Variants in CDHR3 observed in about 807,000 individuals in gnomAD.
The protein encoded by CDHR3 is cadherin-related family member 3.
In CDHR3, 79 loss-of-function variants were observed where a neutral mutation model predicts 86.6. The ratio of observed to expected loss-of-function variants is 0.91; its 90% CI spans 0.76 to 1.10. The LOEUF is 1.10. Ranked by LOEUF, CDHR3 falls within the 50% of genes least tolerant of loss-of-function variation. The pLI, the probability that CDHR3 is intolerant of heterozygous loss-of-function variation, is 0.00. For missense variants in CDHR3, 1,081 were observed against 1,077.6 expected (o/e 1.00, Z -0.04); for synonymous variants, 421 against 402.4 (o/e 1.05, Z -0.55).
Position 106,017,890 on chromosome 7 carries a change from C to T in CDHR3, c.1471C>T (p.Pro491Ser), listed in dbSNP as rs1487053892. ...GQVRATDKDLPQSSLLYSIST... is the reference protein window; with the variant it reads ...GQVRATDKDLSQSSLLYSIST... Reference sequence around the variant, plus strand: ...GGTGCGAGCCACTGATAAAGACCTCCCCCAGAGCAGCCTCCTGTACTCCAT... The same window carrying T: ...GGTGCGAGCCACTGATAAAGACCTCTCCCAGAGCAGCCTCCTGTACTCCAT... Residue 491 changes from proline to serine, a missense_variant, in exon 12 of 19, where the codon CCC becomes TCC. Physicochemically the swap from Pro to Ser is moderately conservative, Grantham distance 74. Transcript: ENST00000317716. 6.2e-7 allele frequency: 1 copy of T among 1,604,248 alleles called. No individual in the cohort carries two copies. The highest frequency in any genetic ancestry group is 2.3e-5 in the East Asian group (1 of 44,426).
intron 3 of CDHR3, 131 bp downstream of exon 3, chr7:105,981,264 AG>A (rs1225917928): frequency 5.9e-6 from 5 of 844,020 alleles, no homozygotes; most frequent in Non-Finnish European, 7.2e-6. Context: ...CTTAATGAGC[AG>A]GGAATAAATG....
chr7:106,008,259 G>C lies in CDHR3; in HGVS notation c.1052+3572G>C, dbSNP rs191941984. On this transcript the variant is annotated intron_variant, in intron 8 of 18. Transcript: ENST00000317716. ...TTCCAGCTTCTAGTTGGCCAATGGGGAGTCCTGGAAAGAGAAGGAGAGGAG... is the reference window on the plus strand; with the variant it reads ...TTCCAGCTTCTAGTTGGCCAATGGGCAGTCCTGGAAAGAGAAGGAGAGGAG... 2.2e-3 allele frequency among the ~76,000 whole-genome samples: 336 copies of C among 152,274 alleles called. 5 individuals carry two copies. Among genetic ancestry groups the C allele is most frequent in the Middle Eastern group, 3.4e-3 (1 of 294 alleles).
chr7:105,984,180 A>T lies in CDHR3; in HGVS notation c.416-12A>T, dbSNP rs1246813913. 1 of 1,506,222 alleles carries T rather than the reference A, an allele frequency of 6.6e-7. No individual in the cohort carries two copies. The highest frequency in any genetic ancestry group is 9.0e-7 in the Non-Finnish European group (1 of 1,110,108). The allele number at this position is 1,506,222 out of a possible 1,614,324, so 93.3% of individuals were successfully genotyped here. The stretch of plus-strand genomic sequence containing the variant: ...TAAGATGTTTCTTATTCCACTTTGG[A>T]CACTGGTCTAGGTCTACACCTCTAC... On this transcript the variant is annotated splice_polypyrimidine_tract_variant and intron_variant, in intron 3 of 18. Coordinates refer to ENST00000317716, the MANE Select transcript of CDHR3 (RefSeq NM_152750.5).
rs747900263 is a variant in CDHR3, at chr7:106,012,902, T to C, written c.1095T>C (p.Leu365=). Residue 365 remains leucine, a synonymous_variant, in exon 9 of 19, where the codon CTT becomes CTC. Transcript: ENST00000317716. ...PERTAKGTLL[L]DLNKFCFDDD... is the part of the protein sequence containing the mutation. ...GAACAGCCAAGGGGACGTTGCTTCT[T>C]GACCTAAACAAGTTCTGCTTTGATG... 1.1e-5 allele frequency: 18 copies of C among 1,612,886 alleles called. No homozygotes were observed. Among genetic ancestry groups the C allele is most frequent in the Non-Finnish European group, 1.4e-5 (16 of 1,179,594 alleles).
In CDHR3 at chr7:106,013,135, C is replaced by T. The variant is rs113937929; in HGVS notation, c.1224+104C>T. 3.9e-5 allele frequency: 39 copies of T among 987,796 alleles called. 3 individuals carry two copies. The African/African-American group carries it at 4.3e-4, about 11-fold the overall frequency. The allele number at this position is 987,796 out of a possible 1,614,324, so 61.2% of individuals were successfully genotyped here. ...AGAGAAATTTCCAAGGTAACCCCCT[C>T]TCAGAGCGACTGTAACTGACAGGCT... On this transcript the variant is annotated intron_variant, in intron 9 of 18. Transcript: ENST00000317716.
intron 10 of CDHR3, among the ~76,000 whole-genome samples, chr7:106,015,497 G>A (rs183313947): frequency 6.6e-6 from 1 of 151,696 alleles, no homozygotes; most frequent in Admixed American, 6.6e-5. Context: ...TCACCATTCG[G>A]TTGCTGCTTA....
At chr7:105,979,746 G>A (rs192195368) in intron 2 of CDHR3, among the ~76,000 whole-genome samples, 193 of 152,300 alleles carry the variant, frequency 1.3e-3, no homozygotes, top group African/African-American at 4.5e-3. Context: ...ACAGCAAGAT[G>A]CTGAGTGTCT....
At chr7:106,007,615 C>A (rs1834134119) in intron 8 of CDHR3, among the ~76,000 whole-genome samples, 1 of 152,218 alleles carries the variant, frequency 6.6e-6, no homozygotes, top group Non-Finnish European at 1.5e-5. Context: ...GCTCCAGTTC[C>A]CAACAAGTTC....
At chr7:106,015,066 A>G (rs1324105442) in intron 9 of CDHR3, 45 bp from the exon 10 acceptor site, 1 of 1,459,408 alleles carries the variant, frequency 6.9e-7, no homozygotes. Flanking sequence ...CCCAATAAAT[A>G]GGATTGTTTA....
chr7:106,015,990 C>T lies in CDHR3; in HGVS notation c.1391C>T (p.Pro464Leu), dbSNP rs758818093. ...GAGTTTCCTCTCATTTTTGATAGGC[C>T]ATCCTATGTATTTGATGTGTCAGAA... Reference protein sequence around the residue: ...ENEFPLIFDRPSYVFDVSERR... With the variant: ...ENEFPLIFDRLSYVFDVSERR... The change falls in exon 11 of 19, where the codon CCA (proline) becomes CTA (leucine). Residue 464 changes from proline (P) to leucine (L), a missense_variant. By Grantham distance (98) the Pro-to-Leu change is moderately conservative. Coordinates refer to ENST00000317716, the MANE Select transcript of CDHR3 (RefSeq NM_152750.5). 10 of 1,612,502 alleles carry T rather than the reference C, an allele frequency of 6.2e-6. 1 individual carries two copies. In the South Asian group the frequency reaches 1.1e-4, roughly 18 times the overall value.
chr7:106,022,115 T>G, intron 13 of CDHR3, 83 bp from the exon 14 acceptor site: 1 of 1,522,096 alleles, frequency 6.6e-7, no homozygotes, highest in Non-Finnish European at 9.0e-7. Context: ...GAGAAAAAGA[T>G]TGAATGCAGT....
intron 4 of CDHR3, among the ~76,000 whole-genome samples, chr7:105,989,403 A>AT (rs974292423): frequency 7.9e-5 from 12 of 151,720 alleles, no homozygotes; most frequent in Admixed American, 7.9e-4. Context: ...TAGTACAGCA[A>AT]TTTCTCCATT....
rs1563317866 is a variant in CDHR3 at position 106,032,569 on chromosome 7, AG to A, written c.2531del (p.Ser844MetfsTer31). On this transcript the variant is annotated frameshift_variant, in exon 19 of 19. Transcript: ENST00000317716. LOFTEE classifies it low-confidence loss of function (END_TRUNC). ...TGCCAACTGGGAAGAAGATGAGCTG[AG>A]TGGCAAAGCGTGGGCTGAGGATGCT... is the stretch of plus-strand genomic sequence containing the variant. ...RSANWEEDELSGKAWAEDAGL... is the reference protein window; with the variant it reads ...RSANWEEDELXGKAWAEDAGL... The A allele has an allele frequency of 6.2e-7, 1 of 1,613,922 alleles. No homozygotes were observed. The highest frequency in any genetic ancestry group is 8.5e-7 in the Non-Finnish European group (1 of 1,179,906).
intron 1 of CDHR3, among the ~76,000 whole-genome samples, chr7:105,965,796 G>A (rs916015737): frequency 1.3e-5 from 2 of 152,200 alleles, no homozygotes; most frequent in African/African-American, 4.8e-5. Context: ...TGCAATAACA[G>A]ATTTCATATA....
At chr7:105,965,524 T>C (rs1826738167) in intron 1 of CDHR3, among the ~76,000 whole-genome samples, 1 of 151,306 alleles carries the variant, frequency 6.6e-6, no homozygotes, top group Non-Finnish European at 1.5e-5. Context: ...TCCTTTCATG[T>C]GTTCTAACTC....
At chr7:106,029,824 C>T (rs972273533) in intron 17 of CDHR3, among the ~76,000 whole-genome samples, 1 of 152,206 alleles carries the variant, frequency 6.6e-6, no homozygotes, top group Non-Finnish European at 1.5e-5. Context: ...AAGAGGCAGT[C>T]TCAGGTCTCC....
intron 8 of CDHR3, among the ~76,000 whole-genome samples, chr7:106,008,480 C>T (rs550366857): frequency 6.6e-6 from 1 of 152,102 alleles, no homozygotes; most frequent in Non-Finnish European, 1.5e-5. Flanking sequence ...CTGTGAGCAC[C>T]TTCTTCATAG....
chr7:106,006,282 A>G (rs1213165775), intron 8 of CDHR3, among the ~76,000 whole-genome samples: 2 of 152,292 alleles, frequency 1.3e-5, no homozygotes, highest in Admixed American at 6.5e-5. Context: ...AAACCATATC[A>G]TCCTGCCCCA....
rs1171415882 is a variant in CDHR3 at position 106,022,265 on chromosome 7, A to T, written c.1893A>T (p.Thr631=). Residue 631 remains threonine (T), a synonymous_variant, in exon 14 of 19, where the codon ACA becomes ACT. Transcript: ENST00000317716. ...AGSNVTRLLL[T]SRFDYAGGFD... ...CCAATGTCACACGCCTGCTGCTTAC[A>T]TCTCGCTTTGACTATGCTGGTGGGT... 1 of 1,614,026 alleles carries T rather than the reference A, an allele frequency of 6.2e-7. No homozygotes were observed. Among genetic ancestry groups the T allele is most frequent in the African/African-American group, 1.3e-5 (1 of 75,046 alleles).
Sources: gnomAD v4.1 joint callset for allele counts (sites outside exome capture counted in the v4.1 genomes callset) on GRCh38, gnomAD v4.1.1 for gene constraint, MANE v1.5 for transcripts, NCBI Gene and HGNC (gene_info 2026-07-23, HGNC 2026-07-21) for gene names.